Variants in SEC24B observed in about 807,000 individuals in gnomAD.
SEC24B encodes protein transport protein Sec24B.
SEC24B carries 45 observed loss-of-function variants against 142.8 expected under a neutral mutation model. That is an observed-to-expected ratio of 0.32 (90% CI 0.25 to 0.40). SEC24B has a LOEUF of 0.40. Among genes scored for constraint, SEC24B ranks in the 10% least tolerant of loss-of-function variants. The probability of loss-of-function intolerance (pLI) is 1.00; values close to 1 mark genes in which losing one functional copy is unlikely to be tolerated. For synonymous variants in SEC24B, 574 were observed against 568.2 expected (o/e 1.01, Z -0.15); for missense variants, 1,409 against 1,526.8 (o/e 0.92, Z 1.29).
Position 109,494,220 on chromosome 4 carries a change from C to T in SEC24B, c.1247-395C>T, listed in dbSNP as rs954697823. The stretch of plus-strand genomic sequence containing the variant: ...CTGTATGCTCAGCACTTTGGTAGGC[C>T]GAGGTAGAAAAATCTCTTGAGCACA... On this transcript the variant is annotated intron_variant, in intron 5 of 23. Transcript: ENST00000265175. Among the ~76,000 whole-genome samples, 5 of 151,664 alleles carry T rather than the reference C, an allele frequency of 3.3e-5. No individual in the cohort carries two copies. The East Asian group carries it at 5.8e-4, about 18-fold the overall frequency.
intron 22 of SEC24B, among the ~76,000 whole-genome samples, chr4:109,535,766 G>A (rs907682374): frequency 6.6e-6 from 1 of 151,250 alleles, no homozygotes; most frequent in African/African-American, 2.4e-5. Context: ...GCAGGAGAAT[G>A]GTATGAAACC....
At chr4:109,530,999 G>T (rs550836374) in intron 19 of SEC24B, among the ~76,000 whole-genome samples, 1 of 151,242 alleles carries the variant, frequency 6.6e-6, no homozygotes, top group Non-Finnish European at 1.5e-5. Context: ...TTTAATGTGT[G>T]TGAGCAGTTT....
At chr4:109,515,158 T>C (rs1737792457) in intron 10 of SEC24B, among the ~76,000 whole-genome samples, 1 of 152,136 alleles carries the variant, frequency 6.6e-6, no homozygotes, top group Non-Finnish European at 1.5e-5. Context: ...TGGAGTGCAG[T>C]GGCACCATCC....
intron 1 of SEC24B, among the ~76,000 whole-genome samples, chr4:109,435,777 A>G (rs1457484451): frequency 6.6e-6 from 1 of 152,156 alleles, no homozygotes; most frequent in Non-Finnish European, 1.5e-5. Flanking sequence ...TGGGGACTCA[A>G]GGTTAGGGTA....
chr4:109,516,266 A>G (rs1722884239), intron 10 of SEC24B, among the ~76,000 whole-genome samples: 1 of 152,146 alleles, frequency 6.6e-6, no homozygotes, highest in Admixed American at 6.5e-5. Flanking sequence ...CTCTTAGCCA[A>G]CACTCCTTAT....
intron 3 of SEC24B, among the ~76,000 whole-genome samples, chr4:109,478,053 G>T (rs1733356678): frequency 1.3e-5 from 2 of 152,138 alleles, no homozygotes; most frequent in African/African-American, 4.8e-5. Context: ...AGGCAAAGGT[G>T]GGTGGATCAT....
intron 14 of SEC24B, among the ~76,000 whole-genome samples, chr4:109,522,049 T>C (rs921581669): frequency 1.4e-5 from 2 of 145,064 alleles, no homozygotes; most frequent in African/African-American, 5.2e-5. Context: ...GTTTTTTGTT[T>C]TGTTTTTGTT....
chr4:109,525,004 A>G (rs1300358907), intron 15 of SEC24B, 63 bp downstream of exon 15: 7 of 1,428,662 alleles, frequency 4.9e-6, no homozygotes, highest in Non-Finnish European at 6.7e-6. Flanking sequence ...AATTAAATCT[A>G]AACTCTTCAG....
chr4:109,509,393 G>A (rs537487757), intron 7 of SEC24B, among the ~76,000 whole-genome samples: 34 of 152,084 alleles, frequency 2.2e-4, no homozygotes, highest in South Asian at 1.2e-3. Flanking sequence ...AAGTTATTTG[G>A]CCAGGCACAG....
chr4:109,516,505 T>A, intron 10 of SEC24B, 23 bp from the exon 11 acceptor site: 1 of 1,429,958 alleles, frequency 7.0e-7, no homozygotes, highest in South Asian at 1.3e-5. Context: ...CCAAATAACT[T>A]ACTTTATTTT....
chr4:109,492,391 G>A (rs1203063597), intron 5 of SEC24B, among the ~76,000 whole-genome samples: 1 of 152,096 alleles, frequency 6.6e-6, no homozygotes, highest in South Asian at 2.1e-4. Flanking sequence ...TAGAAGAGTT[G>A]CTTCATTTAC....
intron 7 of SEC24B, among the ~76,000 whole-genome samples, chr4:109,506,853 A>G (rs570996564): frequency 1.2e-3 from 188 of 152,284 alleles, no homozygotes; most frequent in African/African-American, 4.0e-3. Context: ...CAATAAGGAC[A>G]GATATTTGAA....
At chr4:109,483,056 T>TTATATATATGTATTTATTTATGTATTTA (rs1733970626) in intron 4 of SEC24B, among the ~76,000 whole-genome samples, 4 of 97,936 alleles carry the variant, frequency 4.1e-5, no homozygotes, top group African/African-American at 1.8e-4. Context: ...ATTTATGTAT[T>TTATATATATGTATTTATTTATGTATTTA]TATATATATA....
intron 1 of SEC24B, among the ~76,000 whole-genome samples, chr4:109,450,531 A>G (rs1729958064): frequency 6.6e-6 from 1 of 151,546 alleles, no homozygotes; most frequent in African/African-American, 2.4e-5. Flanking sequence ...AGTGGCAGGC[A>G]CCTGTAATCC....
chr4:109,468,522 A>G (rs1009688408), intron 2 of SEC24B, among the ~76,000 whole-genome samples: 1 of 152,226 alleles, frequency 6.6e-6, no homozygotes, highest in Non-Finnish European at 1.5e-5. Context: ...TCCTATATGT[A>G]ATCAGCAGCC....
rs145853445 is a variant in SEC24B at position 109,522,587 on chromosome 4, T to G, written c.2508+961T>G. 5.3e-5 allele frequency among the ~76,000 whole-genome samples: 8 copies of G among 152,370 alleles called. No homozygotes were observed. In the East Asian group the frequency reaches 1.5e-3, roughly 29 times the overall value. On this transcript the variant is annotated intron_variant, in intron 14 of 23. Coordinates refer to ENST00000265175, the MANE Select transcript of SEC24B (RefSeq NM_006323.5). Reference sequence around the variant, plus strand: ...GGTAAAACTTACTAAATGTAACTATTGTAATTCAACATGCTCATACTAATA... The same window carrying G: ...GGTAAAACTTACTAAATGTAACTATGGTAATTCAACATGCTCATACTAATA...
intron 4 of SEC24B, among the ~76,000 whole-genome samples, chr4:109,484,050 TATCTG>T (rs1734097773): frequency 6.6e-6 from 1 of 152,236 alleles, no homozygotes; most frequent in Non-Finnish European, 1.5e-5. Context: ...GATGCAATAA[TATCTG>T]ATAACACTGT....
At chr4:109,456,850 G>A (rs1043718666) in intron 1 of SEC24B, among the ~76,000 whole-genome samples, 1 of 152,168 alleles carries the variant, frequency 6.6e-6, no homozygotes, top group Admixed American at 6.5e-5. Flanking sequence ...TACTTTTCCT[G>A]AAGATAACAT....
At position 109,506,338 on chromosome 4, in the gene SEC24B, G is replaced by C. The variant is rs1222811102; in HGVS notation, c.1499G>C (p.Gly500Ala). 5 of 1,560,630 alleles carry C rather than the reference G, an allele frequency of 3.2e-6. No homozygotes were observed. Among genetic ancestry groups the C allele is most frequent in the Non-Finnish European group, 4.3e-6 (5 of 1,158,032 alleles). Residue 500 changes from glycine (G) to alanine (A), a missense_variant, in exon 7 of 24, where the codon GGT (glycine) becomes GCT (alanine). By Grantham distance (60) the Gly-to-Ala change is moderately conservative. This residue lies in a region of SEC24B where 709 missense variants were observed against 673.5 expected (regional missense o/e 1.05). Transcript: ENST00000265175. ...GFQQYPQQYPGVNQLSSSIGG... is the reference protein window; with the variant it reads ...GFQQYPQQYPAVNQLSSSIGG... ...GAATTGCTCTTTCAGCAGTATCCTG[G>C]TGTGAACCAGCTATCCTCCAGTATA...
Sources: allele counts gnomAD v4.1 joint callset (sites outside exome capture counted in the v4.1 genomes callset), GRCh38; gene constraint gnomAD v4.1.1; regional missense constraint gnomAD v4.1.1; transcripts MANE v1.5; gene names NCBI Gene and HGNC (gene_info 2026-07-23, HGNC 2026-07-21).